CSMD1: variants seen among roughly 807,000 people sequenced by gnomAD.
CSMD1 encodes the protein CUB and Sushi multiple domains 1.
A neutral mutation model predicts 417.5 loss-of-function variants in CSMD1; 213 were observed. The ratio of observed to expected loss-of-function variants is 0.51; its 90% CI spans 0.46 to 0.57. The LOEUF is 0.57. Ranked by LOEUF, CSMD1 falls within the 20% of genes least tolerant of loss-of-function variation. The probability of loss-of-function intolerance (pLI) is 0.00; values close to 1 mark genes in which losing one functional copy is unlikely to be tolerated. For synonymous variants in CSMD1, 2,862 were observed against 1,736.8 expected, an observed-to-expected ratio of 1.65 and a Z score of -16.11; for missense variants, 6,923 against 4,529.7, an observed-to-expected ratio of 1.53 and a Z score of -15.17.
At chr8:3,017,511 C>A (rs953375606) in intron 52 of CSMD1, among the ~76,000 whole-genome samples, 2 of 152,082 alleles carry the variant, frequency 1.3e-5, no homozygotes, top group Admixed American at 1.3e-4. Context: ...ACATAATACA[C>A]TAGACAGAGT....
intron 5 of CSMD1, among the ~76,000 whole-genome samples, chr8:3,936,992 T>G (rs1473271558): frequency 6.6e-6 from 1 of 152,140 alleles, no homozygotes; most frequent in African/African-American, 2.4e-5. Flanking sequence ...TCAATCCTCG[T>G]GAATGACTTT....
At chr8:3,266,106 G>C (rs1023692408) in intron 26 of CSMD1, among the ~76,000 whole-genome samples, 12 of 151,434 alleles carry the variant, frequency 7.9e-5, no homozygotes, top group African/African-American at 2.7e-4. Context: ...AAATTAATTT[G>C]CAAAGAGAGA....
chr8:4,567,867 A>C (rs1798689775), intron 2 of CSMD1, among the ~76,000 whole-genome samples: 2 of 152,242 alleles, frequency 1.3e-5, no homozygotes, highest in Admixed American at 6.5e-5. Flanking sequence ...AAGCATGCTG[A>C]GTAAGAATAT....
At chr8:4,783,760 T>C (rs1198091548) in intron 1 of CSMD1, among the ~76,000 whole-genome samples, 2 of 152,172 alleles carry the variant, frequency 1.3e-5, no homozygotes, top group East Asian at 1.9e-4. Context: ...TAGTAGGTCA[T>C]CCAGCTGGTG....
chr8:3,458,816 G>C (rs879343859), intron 12 of CSMD1, among the ~76,000 whole-genome samples: 5 of 152,146 alleles, frequency 3.3e-5, no homozygotes, highest in Non-Finnish European at 7.3e-5. Flanking sequence ...TGGAGAAACA[G>C]GATTGAATAA....
At chr8:4,019,118 C>A (rs1262383769) in intron 4 of CSMD1, among the ~76,000 whole-genome samples, 1 of 152,130 alleles carries the variant, frequency 6.6e-6, no homozygotes, top group South Asian at 2.1e-4. Flanking sequence ...TATTTTTGTA[C>A]TAGGCCATGG....
At chr8:3,953,458 C>T (rs563273583) in intron 5 of CSMD1, among the ~76,000 whole-genome samples, 5 of 152,106 alleles carry the variant, frequency 3.3e-5, no homozygotes, top group African/African-American at 9.6e-5. Flanking sequence ...GAGAAGAGAC[C>T]ATAAACACAC....
chr8:2,949,161 C>G (rs565407806), intron 68 of CSMD1, 138 bp downstream of exon 68: 1 of 555,668 alleles, frequency 1.8e-6, no homozygotes, highest in East Asian at 3.2e-5. Context: ...TTTTTTCATT[C>G]AGCTGTAAAA....
chr8:3,861,681 T>C (rs749215489), intron 5 of CSMD1, among the ~76,000 whole-genome samples: 1 of 152,206 alleles, frequency 6.6e-6, no homozygotes, highest in Non-Finnish European at 1.5e-5. Flanking sequence ...GTCCAGAGAA[T>C]AGGGTTTTTT....
At chr8:4,101,421 T>G (rs1346834596) in intron 3 of CSMD1, among the ~76,000 whole-genome samples, 1 of 152,090 alleles carries the variant, frequency 6.6e-6, no homozygotes, top group East Asian at 1.9e-4. Flanking sequence ...GTGAATATTT[T>G]CATTGGCTGC....
At chr8:4,456,433 A>C (rs1399972891) in intron 2 of CSMD1, among the ~76,000 whole-genome samples, 1 of 152,208 alleles carries the variant, frequency 6.6e-6, no homozygotes, top group African/African-American at 2.4e-5. Flanking sequence ...AAGTATTTTT[A>C]ATTGCTGTTA....
intron 5 of CSMD1, among the ~76,000 whole-genome samples, chr8:3,926,100 C>CAA (rs1554488627): frequency 1.3e-5 from 1 of 75,288 alleles, no homozygotes; most frequent in African/African-American, 5.3e-5. Context: ...CACACACACA[C>CAA]ACACACACAC....
chr8:4,867,490 C>G lies in CSMD1; in HGVS notation c.85+126842G>C, dbSNP rs150505679. On this transcript the variant is annotated intron_variant, in intron 1 of 69. Coordinates refer to ENST00000635120, the MANE Select transcript of CSMD1 (RefSeq NM_033225.6). ...GCAGCAATTATCTGAGGCCAACACT[C>G]TTCCTATCCCAGCCAACCTCGGATA... 1.7e-3 allele frequency among the ~76,000 whole-genome samples: 253 copies of G among 152,222 alleles called. 1 individual carries two copies. Among genetic ancestry groups the G allele is most frequent in the African/African-American group, 5.7e-3 (236 of 41,492 alleles).
intron 2 of CSMD1, among the ~76,000 whole-genome samples, chr8:4,563,772 G>C (rs1462966914): frequency 1.3e-5 from 2 of 152,150 alleles, no homozygotes; most frequent in Non-Finnish European, 1.5e-5. Context: ...ATCGGTGCAA[G>C]CCCTGTCCTA....
chr8:4,004,452 A>C (rs1476582889), intron 4 of CSMD1, among the ~76,000 whole-genome samples: 1 of 151,022 alleles, frequency 6.6e-6, no homozygotes, highest in East Asian at 1.9e-4. Flanking sequence ...AGGCTATTTT[A>C]TAGTAAAATA....
chr8:3,834,568 G>A (rs916481581), intron 5 of CSMD1, among the ~76,000 whole-genome samples: 6 of 152,138 alleles, frequency 3.9e-5, no homozygotes, highest in Non-Finnish European at 1.5e-5. Context: ...AATGTATCCT[G>A]GCTGTATTAC....
In CSMD1 at chr8:4,752,959, G is replaced by T. The variant is rs879276116; in HGVS notation, c.86-115401C>A. Among the ~76,000 whole-genome samples, 5 of 152,140 alleles carry T rather than the reference G, an allele frequency of 3.3e-5. No individual in the cohort carries two copies. In the South Asian group the frequency reaches 1.0e-3, roughly 32 times the overall value. Reference sequence around the variant, plus strand: ...TGATGATGCTCACAGCAGAGCCAAAGAAAATCATTACTTTAAAATACAATT... The same window carrying T: ...TGATGATGCTCACAGCAGAGCCAAATAAAATCATTACTTTAAAATACAATT... On this transcript the variant is annotated intron_variant, in intron 1 of 69. Coordinates refer to ENST00000635120, the MANE Select transcript of CSMD1 (RefSeq NM_033225.6).
chr8:3,175,295 C>T (rs527661557), intron 37 of CSMD1, among the ~76,000 whole-genome samples: 34 of 152,234 alleles, frequency 2.2e-4, no homozygotes, highest in African/African-American at 7.5e-4. Flanking sequence ...TTGTTTTCTT[C>T]CAATTACCTC....
At chr8:4,765,858 C>A (rs945500169) in intron 1 of CSMD1, among the ~76,000 whole-genome samples, 22 of 152,176 alleles carry the variant, frequency 1.4e-4, no homozygotes, top group Admixed American at 2.6e-4. Flanking sequence ...GGGCTGATTT[C>A]TCTTGGCCCA....
Sources: gnomAD v4.1 joint callset for allele counts (sites outside exome capture counted in the v4.1 genomes callset) on GRCh38, gnomAD v4.1.1 for gene constraint, MANE v1.5 for transcripts, NCBI Gene and HGNC (gene_info 2026-07-23, HGNC 2026-07-21) for gene names.